Variants in SLC24A2 observed in about 807,000 individuals in gnomAD.
SLC24A2 encodes the protein sodium/potassium/calcium exchanger 2.
SLC24A2 carries 36 observed loss-of-function variants against 62.0 expected under a neutral mutation model. The observed-to-expected ratio is 0.58, with a 90% CI of 0.44 to 0.77. The LOEUF is 0.77. Ranked by LOEUF, SLC24A2 falls within the 30% of genes least tolerant of loss-of-function variation. SLC24A2 has a pLI of 0.00. For missense variants in SLC24A2, 846 were observed against 817.9 expected (o/e 1.03, Z -0.42); for synonymous variants, 358 against 294.0 (o/e 1.22, Z -2.23).
At position 19,581,580 on chromosome 9, in the gene SLC24A2, CT is replaced by C. The variant is rs1429984271; in HGVS notation, c.1130-4559del. On this transcript the variant is annotated intron_variant, in intron 5 of 10. Transcript: ENST00000341998. Reference sequence around the variant, plus strand: ...CTGATAAACAGCAAGTGCTTAGGAACTGCTATTCAGAAAGGGTTGCTATCAT... The same window carrying C: ...CTGATAAACAGCAAGTGCTTAGGAACGCTATTCAGAAAGGGTTGCTATCAT... Among the ~76,000 whole-genome samples, 4 of 152,314 alleles carry C rather than the reference CT, an allele frequency of 2.6e-5. No homozygotes were observed. In the East Asian group the frequency reaches 7.7e-4, roughly 29 times the overall value.
rs535372779 is a variant in SLC24A2 at position 19,509,443 on chromosome 9, A to T, written c.*6710T>A. 1 of 152,176 alleles carries T rather than the reference A, an allele frequency of 6.6e-6. No individual in the cohort carries two copies. The highest frequency in any genetic ancestry group is 1.5e-5 in the Non-Finnish European group (1 of 68,024). The allele number at this position is 152,176 out of a possible 1,614,324, so 9.4% of individuals were successfully genotyped here. The stretch of plus-strand genomic sequence containing the variant: ...AATACAAAACAGGAATGACTCATGG[A>T]CTGCTTATTGATTGACTATATTCAG... On this transcript the variant is annotated 3_prime_UTR_variant, in exon 11 of 11. Transcript: ENST00000341998.
At chr9:20,142,225 T>C in the SLC24A2 span, among the ~76,000 whole-genome samples, 1 of 152,180 alleles carries the variant, frequency 6.6e-6, no homozygotes, top group Non-Finnish European at 1.5e-5. Flanking sequence ...AAAGAATACT[T>C]ACCTGCTCAA....
the SLC24A2 span, among the ~76,000 whole-genome samples, chr9:20,215,249 G>C: frequency 5.5e-3 from 842 of 152,240 alleles, 18 homozygotes; most frequent in East Asian, 0.046. Flanking sequence ...AGCTCTGTCT[G>C]CCTCACCGAA....
chr9:19,807,412 A>G, the SLC24A2 span, among the ~76,000 whole-genome samples: 1 of 152,346 alleles, frequency 6.6e-6, no homozygotes. Context: ...TGCTTTTCTC[A>G]CATCCTTTAG....
chr9:19,817,600 C>T, the SLC24A2 span, among the ~76,000 whole-genome samples: 1 of 151,874 alleles, frequency 6.6e-6, no homozygotes, highest in Admixed American at 6.6e-5. Context: ...ATATAGAACA[C>T]ATCAGGAAAC....
chr9:20,108,141 C>T, the SLC24A2 span, among the ~76,000 whole-genome samples: 1 of 152,176 alleles, frequency 6.6e-6, no homozygotes, highest in Non-Finnish European at 1.5e-5. Flanking sequence ...AATCAAACCA[C>T]AATGAGATAC....
the SLC24A2 span, among the ~76,000 whole-genome samples, chr9:20,120,836 A>C: frequency 6.6e-6 from 1 of 152,050 alleles, no homozygotes; most frequent in Non-Finnish European, 1.5e-5. Context: ...GACAGGGATC[A>C]AGGTTGGTTA....
At chr9:20,196,713 G>C in the SLC24A2 span, among the ~76,000 whole-genome samples, 2 of 152,150 alleles carry the variant, frequency 1.3e-5, no homozygotes, top group African/African-American at 4.8e-5. Context: ...CAAAGGATTT[G>C]CATTTTCCCA....
intron 5 of SLC24A2, among the ~76,000 whole-genome samples, chr9:19,584,656 G>A (rs931818012): frequency 7.9e-5 from 12 of 151,818 alleles, no homozygotes; most frequent in African/African-American, 2.7e-4. Context: ...AAGTTTTAGG[G>A]TACATGTGCA....
chr9:19,531,217 C>A (rs1833693233), intron 8 of SLC24A2, among the ~76,000 whole-genome samples: 1 of 152,186 alleles, frequency 6.6e-6, no homozygotes, highest in Non-Finnish European at 1.5e-5. Flanking sequence ...TCCATTTTCA[C>A]ACCCCAGGTA....
the SLC24A2 span, among the ~76,000 whole-genome samples, chr9:19,921,078 T>TGG: frequency 0.027 from 3,640 of 135,472 alleles, 56 homozygotes; most frequent in East Asian, 0.045. Context: ...ATAATTATTA[T>TGG]GGGGGGGGGG....
chr9:19,959,274 C>G, the SLC24A2 span, among the ~76,000 whole-genome samples: 486 of 152,234 alleles, frequency 3.2e-3, 5 homozygotes, highest in African/African-American at 0.011. Flanking sequence ...TTGTGGCATG[C>G]AGAGAGAAAG....
At chr9:19,557,099 G>A (rs1345017111) in intron 7 of SLC24A2, among the ~76,000 whole-genome samples, 1 of 152,174 alleles carries the variant, frequency 6.6e-6, no homozygotes, top group Non-Finnish European at 1.5e-5. Flanking sequence ...AAAAGTGACA[G>A]TGCTAGGCCA....
the SLC24A2 span, among the ~76,000 whole-genome samples, chr9:20,217,342 G>A: frequency 1.3e-5 from 2 of 152,206 alleles, no homozygotes; most frequent in African/African-American, 4.8e-5. Flanking sequence ...GAGGTTACAA[G>A]GAGGGTAGTG....
intron 4 of SLC24A2, among the ~76,000 whole-genome samples, chr9:19,614,154 A>C (rs1290025295): frequency 5.3e-5 from 8 of 152,246 alleles, no homozygotes; most frequent in Non-Finnish European, 5.9e-5. Context: ...GCTTGTTTAG[A>C]GAAAATGTTA....
At chr9:20,133,202 T>C in the SLC24A2 span, among the ~76,000 whole-genome samples, 1 of 152,056 alleles carries the variant, frequency 6.6e-6, no homozygotes, top group South Asian at 2.1e-4. Flanking sequence ...AGCCAATTCC[T>C]TGTAATAAAT....
chr9:20,185,117 CAAAGGATACAAAATTGTATTTAG>C, the SLC24A2 span, among the ~76,000 whole-genome samples: 12 of 151,792 alleles, frequency 7.9e-5, no homozygotes, highest in African/African-American at 2.7e-4. Context: ...AGATGTTGGT[CAAAGGATACAAAATTGTATTTAG>C]AGAGGAGGAA....
chr9:20,214,907 G>A, the SLC24A2 span, among the ~76,000 whole-genome samples: 306 of 152,172 alleles, frequency 2.0e-3, no homozygotes, highest in African/African-American at 6.8e-3. Context: ...AAAAATTACC[G>A]TACAGTCTCA....
chr9:20,176,772 G>T, the SLC24A2 span, among the ~76,000 whole-genome samples: 1 of 152,046 alleles, frequency 6.6e-6, no homozygotes, highest in African/African-American at 2.4e-5. Flanking sequence ...AAATATAAAT[G>T]TATTGAAATG....
Sources: allele counts gnomAD v4.1 joint callset (sites outside exome capture counted in the v4.1 genomes callset), GRCh38; gene constraint gnomAD v4.1.1; transcripts MANE v1.5; gene names NCBI Gene and HGNC (gene_info 2026-07-23, HGNC 2026-07-21).